Variants in TSHZ2 observed in about 807,000 individuals in gnomAD.
TSHZ2 encodes the protein teashirt homolog 2.
A neutral mutation model predicts 74.4 loss-of-function variants in TSHZ2; 21 were observed. That is an observed-to-expected ratio of 0.28 (90% CI 0.20 to 0.41). TSHZ2 has a LOEUF of 0.41. Ranked by LOEUF, TSHZ2 falls within the 10% of genes least tolerant of loss-of-function variation. The pLI is 1.00. For synonymous variants in TSHZ2, 540 were observed against 515.3 expected (o/e 1.05, Z -0.65); for missense variants, 1,244 against 1,293.5 (o/e 0.96, Z 0.59).
chr20:53,207,526 T>C (rs188964577), intron 1 of TSHZ2, among the ~76,000 whole-genome samples: 1 of 152,046 alleles, frequency 6.6e-6, no homozygotes, highest in African/African-American at 2.4e-5. Flanking sequence ...CTCTCACTTG[T>C]AGGGACATGG....
intron 1 of TSHZ2, among the ~76,000 whole-genome samples, chr20:53,017,367 G>GAAA (rs1218869798): frequency 6.6e-6 from 1 of 152,136 alleles, no homozygotes; most frequent in Non-Finnish European, 1.5e-5. Context: ...TTCTCCCTGA[G>GAAA]GATCTCTCAA....
At chr20:53,183,221 G>A (rs767972765) in intron 1 of TSHZ2, among the ~76,000 whole-genome samples, 3 of 152,096 alleles carry the variant, frequency 2.0e-5, no homozygotes, top group African/African-American at 7.2e-5. Context: ...AGGATATTAC[G>A]GGCAAAGCTC....
rs1226578635 is a variant in TSHZ2 at position 53,491,711 on chromosome 20, T to C, written c.*4576T>C. 6.6e-6 allele frequency: 1 copy of C among 152,228 alleles called. No homozygotes were observed. Among genetic ancestry groups the C allele is most frequent in the East Asian group, 1.9e-4 (1 of 5,202 alleles). The allele number at this position is 152,228 out of a possible 1,614,324, so 9.4% of individuals were successfully genotyped here. On this transcript the variant is annotated 3_prime_UTR_variant, in exon 3 of 3. Coordinates refer to ENST00000371497, the MANE Select transcript of TSHZ2 (RefSeq NM_173485.6). ...TTCAGGGAAAACTAGAAATGTGTTA[T>C]GGATTAGAATAGGACTGTTTTAAAA...
In TSHZ2 at chr20:53,463,428, AAGGAAGG is replaced by A. The variant is rs1311981396; in HGVS notation, c.*9-23712_*9-23706del. On this transcript the variant is annotated intron_variant, in intron 2 of 2. Coordinates refer to ENST00000371497, the MANE Select transcript of TSHZ2 (RefSeq NM_173485.6). Reference sequence around the variant, plus strand: ...GAAGGAAGGAAGGAAGGAAGGAAGGAAGGAAGGAGGGAGGGAGGGAAGGAAGGAAGGA... The same window carrying A: ...GAAGGAAGGAAGGAAGGAAGGAAGGAAGGGAGGGAGGGAAGGAAGGAAGGA... Among the ~76,000 whole-genome samples, 514 of 121,582 alleles carry A rather than the reference AAGGAAGG, an allele frequency of 4.2e-3. 7 individuals are homozygous for A. The highest frequency in any genetic ancestry group is 8.8e-3 in the African/African-American group (265 of 30,152). The allele number at this position is 121,582 out of a possible 152,430, so 79.8% of individuals were successfully genotyped here.
intron 1 of TSHZ2, among the ~76,000 whole-genome samples, chr20:53,084,152 A>AATACAC (rs1230485281): frequency 6.6e-6 from 1 of 152,230 alleles, no homozygotes; most frequent in Non-Finnish European, 1.5e-5. Flanking sequence ...AGAACGACAA[A>AATACAC]ATACACAGCA....
chr20:52,983,372 C>T (rs1437865188), intron 1 of TSHZ2, among the ~76,000 whole-genome samples: 2 of 152,274 alleles, frequency 1.3e-5, no homozygotes, highest in East Asian at 1.9e-4. Context: ...TTTATTCTTG[C>T]ACTTAATTGT....
chr20:53,077,343 A>G (rs1000844225), intron 1 of TSHZ2, among the ~76,000 whole-genome samples: 1 of 151,780 alleles, frequency 6.6e-6, no homozygotes, highest in African/African-American at 2.4e-5. Context: ...CCCTGGAGGC[A>G]AAGGTTGCAG....
intron 1 of TSHZ2, among the ~76,000 whole-genome samples, chr20:53,183,945 G>A (rs2123519648): frequency 6.6e-6 from 1 of 152,294 alleles, no homozygotes; most frequent in East Asian, 1.9e-4. Context: ...GGCCTCAGGA[G>A]TGTTATCCTG....
intron 1 of TSHZ2, among the ~76,000 whole-genome samples, chr20:53,041,816 T>A (rs1389281929): frequency 6.6e-6 from 1 of 152,212 alleles, no homozygotes; most frequent in Non-Finnish European, 1.5e-5. Flanking sequence ...GAAAGAAAAG[T>A]GTTAAAACAG....
intron 2 of TSHZ2, among the ~76,000 whole-genome samples, chr20:53,289,732 G>T (rs936474990): frequency 5.3e-5 from 8 of 152,170 alleles, no homozygotes; most frequent in Non-Finnish European, 1.2e-4. Context: ...AAAAAAGGAA[G>T]ACATGCAAAT....
intron 1 of TSHZ2, among the ~76,000 whole-genome samples, chr20:52,996,185 G>A (rs1192880457): frequency 2.0e-5 from 3 of 152,106 alleles, no homozygotes; most frequent in Admixed American, 6.5e-5. Flanking sequence ...TAAAATGGAA[G>A]TGGGGTAAAA....
intron 1 of TSHZ2, among the ~76,000 whole-genome samples, chr20:53,047,746 C>CT (rs1984277995): frequency 6.6e-6 from 1 of 152,062 alleles, no homozygotes; most frequent in Admixed American, 6.5e-5. Flanking sequence ...CCATTCTTTA[C>CT]TGAGGATGTG....
At chr20:53,374,353 G>C (rs1323959105) in intron 2 of TSHZ2, among the ~76,000 whole-genome samples, 4 of 152,160 alleles carry the variant, frequency 2.6e-5, no homozygotes, top group Admixed American at 2.6e-4. Flanking sequence ...AGTATTTCAT[G>C]GTATATATAT....
At chr20:53,141,197 C>T (rs1258235856) in intron 1 of TSHZ2, among the ~76,000 whole-genome samples, 1 of 152,186 alleles carries the variant, frequency 6.6e-6, no homozygotes, top group Non-Finnish European at 1.5e-5. Flanking sequence ...CCTATAGCTC[C>T]TGAGCAGACA....
chr20:53,342,601 C>T (rs1980251644), intron 2 of TSHZ2, among the ~76,000 whole-genome samples: 1 of 152,100 alleles, frequency 6.6e-6, no homozygotes. Flanking sequence ...ATTCTTTCAT[C>T]CTCATAAGCA....
Position 53,169,042 on chromosome 20 carries a change from C to A in TSHZ2, c.41-84457C>A, listed in dbSNP as rs150630869. Among the ~76,000 whole-genome samples, 13 of 152,284 alleles carry A rather than the reference C, an allele frequency of 8.5e-5. No homozygotes were observed. The East Asian group carries it at 1.9e-3, about 23-fold the overall frequency. On this transcript the variant is annotated intron_variant, in intron 1 of 2. Transcript: ENST00000371497. ...ATGCCAAGCATCAGAATTACAGACT[C>A]CTCACGTCCTGCCCATCCATTCCAA...
chr20:52,996,045 TGTG>T (rs1982174289), intron 1 of TSHZ2, among the ~76,000 whole-genome samples: 1 of 152,188 alleles, frequency 6.6e-6, no homozygotes, highest in Non-Finnish European at 1.5e-5. Context: ...TAAATGTTAA[TGTG>T]GTGTTTGTAG....
chr20:52,978,192 G>C (rs896252216), intron 1 of TSHZ2, among the ~76,000 whole-genome samples: 1 of 152,120 alleles, frequency 6.6e-6, no homozygotes, highest in Non-Finnish European at 1.5e-5. Flanking sequence ...CCAGGGCCTT[G>C]GGAATTGTGC....
chr20:53,173,916 G>A (rs1391871042), intron 1 of TSHZ2, among the ~76,000 whole-genome samples: 1 of 152,156 alleles, frequency 6.6e-6, no homozygotes, highest in Non-Finnish European at 1.5e-5. Flanking sequence ...TAGTGTGTGT[G>A]TTTTACAAAG....
Sources: gnomAD v4.1 joint callset for allele counts (sites outside exome capture counted in the v4.1 genomes callset) on GRCh38, gnomAD v4.1.1 for gene constraint, MANE v1.5 for transcripts, NCBI Gene and HGNC (gene_info 2026-07-23, HGNC 2026-07-21) for gene names.